Variants in TRPM8 observed in about 807,000 individuals in gnomAD.
TRPM8 encodes TRPM8 cationic channel.
A neutral mutation model predicts 133.7 loss-of-function variants in TRPM8; 110 were observed. The observed-to-expected ratio is 0.82, with a 90% CI of 0.70 to 0.96. The LOEUF is 0.96. Ranked by LOEUF, TRPM8 falls within the 40% of genes least tolerant of loss-of-function variation. The pLI, the probability that TRPM8 is intolerant of heterozygous loss-of-function variation, is 0.00. For missense variants in TRPM8, 1,291 were observed against 1,379.5 expected, an observed-to-expected ratio of 0.94 and a Z score of 1.02; for synonymous variants, 535 against 532.3, an observed-to-expected ratio of 1.01 and a Z score of -0.07.
At chr2:233,921,677 C>CTTTTTTTTTTTTTTTTTTT (rs11373529) in intron 1 of TRPM8, among the ~76,000 whole-genome samples, 2 of 106,660 alleles carry the variant, frequency 1.9e-5, no homozygotes, top group African/African-American at 7.6e-5. Context: ...CTTTTCTTTT[C>CTTTTTTTTTTTTTTTTTTT]TTTTTTTTTT....
rs1270704391 is a variant in TRPM8, at chr2:233,960,759, C to T, written c.1363-17C>T. On this transcript the variant is annotated splice_polypyrimidine_tract_variant and intron_variant, in intron 11 of 25. Coordinates refer to ENST00000324695, the MANE Select transcript of TRPM8 (RefSeq NM_024080.5). The stretch of plus-strand genomic sequence containing the variant: ...TTTTATAGTATTGTTAGTACTGTCT[C>T]TGTTCTTTCTCCTTAGTCTGCTGAC... 4 of 1,610,226 alleles carry T rather than the reference C, an allele frequency of 2.5e-6. No individual in the cohort carries two copies. The highest frequency in any genetic ancestry group is 3.4e-6 in the Non-Finnish European group (4 of 1,177,190).
At chr2:233,986,786 A>G (rs1692157524) in intron 21 of TRPM8, among the ~76,000 whole-genome samples, 1 of 152,252 alleles carries the variant, frequency 6.6e-6, no homozygotes, top group South Asian at 2.1e-4. Flanking sequence ...AATTTATAAG[A>G]GAAAGACAAC....
chr2:233,973,314 TGAG>T (rs1691779553), intron 17 of TRPM8, among the ~76,000 whole-genome samples: 1 of 152,220 alleles, frequency 6.6e-6, no homozygotes, highest in African/African-American at 2.4e-5. Context: ...GCCAGAAGTC[TGAG>T]ATCAAGCTGT....
rs777066498 is a variant in TRPM8, at chr2:233,970,240, G to T, written c.2169G>T (p.Leu723=). ...RKKPVDKHKK[L]LWYYVAFFTS... ...AACCTGTCGACAAGCACAAGAAGCT[G>T]CTTTGGTACTATGTGGCGTTCTTCA... The change falls in exon 17 of 26, where the codon CTG becomes CTT. Residue 723 remains leucine (L), a synonymous_variant. Transcript: ENST00000324695. The T allele has an allele frequency of 8.7e-6, 14 of 1,614,172 alleles. No homozygotes were observed. In the South Asian group the frequency reaches 1.5e-4, roughly 18 times the overall value.
chr2:234,005,344 A>G (rs566103942), intron 22 of TRPM8, among the ~76,000 whole-genome samples: 2 of 152,200 alleles, frequency 1.3e-5, no homozygotes, highest in East Asian at 3.9e-4. Flanking sequence ...TTCAATCAGC[A>G]TTTCTTTGAC....
chr2:233,954,753 C>T (rs150725309), intron 10 of TRPM8, among the ~76,000 whole-genome samples: 14 of 152,270 alleles, frequency 9.2e-5, no homozygotes, highest in South Asian at 4.1e-4. Flanking sequence ...CTGGAAAAGA[C>T]AAGAATGACA....
intron 3 of TRPM8, 124 bp downstream of exon 3, chr2:233,930,865 A>G (rs1691666738): frequency 1.5e-6 from 1 of 649,380 alleles, no homozygotes; most frequent in African/African-American, 1.8e-5. Flanking sequence ...ATTCTCAGAA[A>G]CACTGTTTGC....
chr2:233,942,510 T>A, intron 5 of TRPM8, 66 bp from the exon 6 acceptor site: 1 of 1,545,274 alleles, frequency 6.5e-7, no homozygotes, highest in Non-Finnish European at 8.9e-7. Flanking sequence ...TTTAGGGGTC[T>A]GTGAGCCCAG....
At chr2:233,984,504 A>G (rs1323342108) in intron 20 of TRPM8, among the ~76,000 whole-genome samples, 1 of 152,118 alleles carries the variant, frequency 6.6e-6, no homozygotes, top group African/African-American at 2.4e-5. Context: ...TGTCCTTAAC[A>G]CCTTCTCAGA....
intron 3 of TRPM8, among the ~76,000 whole-genome samples, chr2:233,931,243 G>A (rs1374056621): frequency 1.3e-5 from 2 of 152,210 alleles, no homozygotes; most frequent in African/African-American, 2.4e-5. Context: ...GCCTACAGGA[G>A]TTCTTCAATA....
intron 6 of TRPM8, among the ~76,000 whole-genome samples, chr2:233,944,389 A>G (rs28901635): frequency 0.035 from 5,343 of 152,278 alleles, 303 homozygotes; most frequent in African/African-American, 0.12. Flanking sequence ...TGCATATGTT[A>G]ATTCACAGAC....
At chr2:233,976,211 C>T (rs917903837) in intron 17 of TRPM8, among the ~76,000 whole-genome samples, 1 of 152,188 alleles carries the variant, frequency 6.6e-6, no homozygotes, top group Non-Finnish European at 1.5e-5. Context: ...AGATGAGCAT[C>T]GGCAAGCAGC....
intron 14 of TRPM8, 63 bp from the exon 15 acceptor site, chr2:233,966,547 C>A: frequency 1.2e-6 from 2 of 1,601,580 alleles, no homozygotes; most frequent in Admixed American, 3.4e-5. Flanking sequence ...GGGGTGGAAG[C>A]AGGACAGTTT....
intron 11 of TRPM8, among the ~76,000 whole-genome samples, chr2:233,956,740 T>G (rs186058436): frequency 2.0e-5 from 3 of 152,206 alleles, no homozygotes; most frequent in African/African-American, 4.8e-5. Flanking sequence ...GGCTTATGAA[T>G]TTTTAAATTA....
chr2:234,014,202 G>C (rs1431301606), intron 24 of TRPM8, among the ~76,000 whole-genome samples: 1 of 151,988 alleles, frequency 6.6e-6, no homozygotes, highest in African/African-American at 2.4e-5. Context: ...AACTTAATTA[G>C]TATCTTATAC....
At chr2:233,945,831 A>T in intron 6 of TRPM8, 25 bp from the exon 7 acceptor site, 3 of 1,596,330 alleles carry the variant, frequency 1.9e-6, no homozygotes, top group East Asian at 2.2e-5. Flanking sequence ...ACAATCTCAA[A>T]GACAAGTTTC....
At chr2:233,944,777 C>T (rs545844614) in intron 6 of TRPM8, among the ~76,000 whole-genome samples, 22 of 152,202 alleles carry the variant, frequency 1.4e-4, no homozygotes, top group Non-Finnish European at 2.4e-4. Context: ...ATAAATAATT[C>T]TTTAATCATA....
At chr2:234,006,987 C>T in intron 23 of TRPM8, 35 bp downstream of exon 23, 1 of 1,521,926 alleles carries the variant, frequency 6.6e-7, no homozygotes, top group Non-Finnish European at 9.1e-7. Flanking sequence ...TTGCAAGGCT[C>T]CCTCTGTAGA....
chr2:234,006,311 T>C (rs993858947), intron 22 of TRPM8, among the ~76,000 whole-genome samples: 33 of 152,194 alleles, frequency 2.2e-4, no homozygotes, highest in Non-Finnish European at 4.6e-4. Context: ...CTGGAATATG[T>C]CCCAGAACAA....
Sources: allele counts gnomAD v4.1 joint callset (sites outside exome capture counted in the v4.1 genomes callset), GRCh38; gene constraint gnomAD v4.1.1; transcripts MANE v1.5; gene names NCBI Gene and HGNC (gene_info 2026-07-23, HGNC 2026-07-21).